PACS2: variants seen among roughly 807,000 people sequenced by gnomAD.
PACS2 encodes phosphofurin acidic cluster sorting protein 2, also known as PACS1-like protein.
PACS2 carries 36 observed loss-of-function variants against 113.0 expected under a neutral mutation model. The observed-to-expected ratio is 0.32, with a 90% CI of 0.24 to 0.42. The LOEUF is 0.42. Ranked by LOEUF, PACS2 falls within the 10% of genes least tolerant of loss-of-function variation. The pLI, the probability that PACS2 is intolerant of heterozygous loss-of-function variation, is 1.00. For synonymous variants in PACS2, 589 were observed against 536.1 expected, an observed-to-expected ratio of 1.10 and a Z score of -1.36; for missense variants, 1,015 against 1,239.5, an observed-to-expected ratio of 0.82 and a Z score of 2.72.
rs2059224292 is a variant in PACS2, at chr14:105,329,518, T to C, written c.119+14481T>C. ...AGCTCTGGGAGAGTCTAGGATGCTC[T>C]AGATCCTTGGGCTCATGGGGCAGTA... On this transcript the variant is annotated intron_variant, in intron 1 of 24. Coordinates refer to ENST00000447393, the MANE Select transcript of PACS2 (RefSeq NM_001100913.3). This position sits in a 1 kb window ranked among gnomAD's most constrained non-coding sequence, Gnocchi z 6.4. Among the ~76,000 whole-genome samples, 1 of 152,146 alleles carries C rather than the reference T, an allele frequency of 6.6e-6. No individual in the cohort carries two copies.
chr14:105,355,369 C>A lies in PACS2; in HGVS notation c.423+192C>A, dbSNP rs903608361. ...GCCCCAGGTGGTGCTTCCTCTCTGACCTTCCCTTGCCGCCTAGCATGGCTC... is the reference window on the plus strand; with the variant it reads ...GCCCCAGGTGGTGCTTCCTCTCTGAACTTCCCTTGCCGCCTAGCATGGCTC... On this transcript the variant is annotated intron_variant, in intron 4 of 24. Transcript: ENST00000447393. The surrounding 1 kb of genome is among the most constrained non-coding windows in gnomAD (Gnocchi z 4.1). 6.6e-6 allele frequency among the ~76,000 whole-genome samples: 1 copy of A among 152,252 alleles called. No homozygotes were observed. Among genetic ancestry groups the A allele is most frequent in the Non-Finnish European group, 1.5e-5 (1 of 68,050 alleles).
chr14:105,378,697 C>T (rs782814486), intron 9 of PACS2, among the ~76,000 whole-genome samples: 2 of 152,284 alleles, frequency 1.3e-5, no homozygotes, highest in African/African-American at 2.4e-5. Flanking sequence ...TGAGCCAGTG[C>T]ACCTGGCCTC....
At chr14:105,308,899 A>G (rs1176892419) in intron 1 of PACS2, among the ~76,000 whole-genome samples, 1 of 151,952 alleles carries the variant, frequency 6.6e-6, no homozygotes, top group African/African-American at 2.4e-5. Context: ...GTTTGAGTCC[A>G]GGAGATCTGG....
At chr14:105,312,599 T>G (rs949738873), upstream of PACS2, among the ~76,000 whole-genome samples, 3 of 152,152 alleles carry the variant, frequency 2.0e-5, no homozygotes, top group Non-Finnish European at 2.9e-5. Context: ...TGGGGAGGGA[T>G]GCCTCCCAGC....
chr14:105,303,800 A>G (rs587757353), intron 1 of PACS2, among the ~76,000 whole-genome samples: 23 of 152,286 alleles, frequency 1.5e-4, no homozygotes, highest in African/African-American at 5.1e-4. Context: ...TGTATTATTG[A>G]TCTCTATGCA....
Position 105,367,279 on chromosome 14 carries a change from G to A in PACS2, c.490G>A (p.Val164Ile), listed in dbSNP as rs1555408179. 12 of 1,613,172 alleles carry A rather than the reference G, an allele frequency of 7.4e-6. No homozygotes were observed. The highest frequency in any genetic ancestry group is 2.2e-5 in the East Asian group (1 of 44,880). Residue 164 changes from valine to isoleucine, a missense_variant, in exon 5 of 25, where the codon GTC (valine) becomes ATC (isoleucine). Val to Ile is a conservative substitution (Grantham distance 29). Coordinates refer to ENST00000447393, the MANE Select transcript of PACS2 (RefSeq NM_001100913.3). ...CTGCAGCAGCATCAAGGAGGCCCCC[G>A]TCAAGGCGGCCGAGATCTGGATCGC... ...SLCSSIKEAP[V>I]KAAEIWIASL...
chr14:105,332,979 C>A (rs1458493318), intron 1 of PACS2, among the ~76,000 whole-genome samples: 1 of 152,186 alleles, frequency 6.6e-6, no homozygotes, highest in Non-Finnish European at 1.5e-5. Flanking sequence ...GCCCCCTCCC[C>A]AGGCTCCGCT....
At chr14:105,352,055 C>T (rs902669665) in intron 2 of PACS2, among the ~76,000 whole-genome samples, 40 of 152,298 alleles carry the variant, frequency 2.6e-4, no homozygotes, top group African/African-American at 7.7e-4. Context: ...ACTTGGGCAG[C>T]GCAGTCAGGT....
chr14:105,337,385 C>A (rs1186246019), intron 1 of PACS2, among the ~76,000 whole-genome samples: 2 of 152,234 alleles, frequency 1.3e-5, no homozygotes, highest in Non-Finnish European at 2.9e-5. Flanking sequence ...ACAGCATCCA[C>A]GCACGTAGTG....
intron 19 of PACS2, 191 bp from the exon 20 acceptor site, chr14:105,389,770 G>A (rs2081295001): frequency 4.7e-6 from 3 of 632,786 alleles, no homozygotes; most frequent in Non-Finnish European, 8.6e-6. Flanking sequence ...TGGTCCTGGG[G>A]GCCAGGCCAG....
In PACS2 at chr14:105,365,677, C is replaced by T. The variant is rs78188892; in HGVS notation, c.424-1536C>T. Among the ~76,000 whole-genome samples the T allele has an allele frequency of 8.1e-4, 123 of 152,298 alleles. 3 individuals are homozygous for T. In the East Asian group the frequency reaches 0.015, roughly 19 times the overall value. On this transcript the variant is annotated intron_variant, in intron 4 of 24. Transcript: ENST00000447393. This position sits in a 1 kb window ranked among gnomAD's most constrained non-coding sequence, Gnocchi z 5.1. ...CCTTGATTCCTCCGGGACCCCAGCC[C>T]GGCAGCCCCCTCCCCTCTGAGCTCA...
Position 105,317,308 on chromosome 14 carries a change from G to T in PACS2, c.119+2271G>T, listed in dbSNP as rs587737777. ...TGGACATCGTGTGCCAGTCTTCTGCGTGTGTCTTTCTGGATGGGCAGGGCC... is the reference window on the plus strand; with the variant it reads ...TGGACATCGTGTGCCAGTCTTCTGCTTGTGTCTTTCTGGATGGGCAGGGCC... On this transcript the variant is annotated intron_variant, in intron 1 of 24. Transcript: ENST00000447393. This position sits in a 1 kb window ranked among gnomAD's most constrained non-coding sequence, Gnocchi z 4.2. Among the ~76,000 whole-genome samples the T allele has an allele frequency of 3.6e-4, 55 of 152,090 alleles. No individual in the cohort carries two copies. The highest frequency in any genetic ancestry group is 7.6e-4 in the Non-Finnish European group (52 of 68,004).
intron 1 of PACS2, among the ~76,000 whole-genome samples, chr14:105,302,665 A>G (rs2058076110): frequency 6.6e-6 from 1 of 152,108 alleles, no homozygotes; most frequent in Non-Finnish European, 1.5e-5. Flanking sequence ...GCCTCACTGC[A>G]GACTCTACCT....
At chr14:105,360,130 A>T (rs2060622250) in intron 4 of PACS2, among the ~76,000 whole-genome samples, 1 of 152,256 alleles carries the variant, frequency 6.6e-6, no homozygotes, top group Non-Finnish European at 1.5e-5. Flanking sequence ...AAATAAAGTG[A>T]GTCACACAAA....
intron 2 of PACS2, among the ~76,000 whole-genome samples, chr14:105,350,594 T>C (rs1555403736): frequency 1.3e-5 from 2 of 152,082 alleles, no homozygotes; most frequent in Non-Finnish European, 2.9e-5. Context: ...CTCATCTGCT[T>C]CTCTTGGGGT....
intron 1 of PACS2, among the ~76,000 whole-genome samples, chr14:105,333,137 A>G (rs1210875483): frequency 6.6e-6 from 1 of 152,108 alleles, no homozygotes; most frequent in East Asian, 1.9e-4. Flanking sequence ...ATACACGTGC[A>G]CACACACACC....
intron 21 of PACS2, 119 bp from the exon 22 acceptor site, chr14:105,391,512 T>TGGCCCCCCC: frequency 6.5e-6 from 4 of 611,296 alleles, no homozygotes; most frequent in Non-Finnish European, 2.9e-6. Context: ...CACTGGGGAC[T>TGGCCCCCCC]CCCACCCTGC....
rs776529065 is a variant in PACS2, at chr14:105,324,208, G to A, written c.119+9171G>A. On this transcript the variant is annotated intron_variant, in intron 1 of 24. Coordinates refer to ENST00000447393, the MANE Select transcript of PACS2 (RefSeq NM_001100913.3). This position sits in a 1 kb window ranked among gnomAD's most constrained non-coding sequence, Gnocchi z 4.7. ...GAGTGGGCAGCTGCGGTGCTGTGGC[G>A]GGGTCGGGGGGCTGCTGCAGAGAGC... Among the ~76,000 whole-genome samples, 3 of 152,182 alleles carry A rather than the reference G, an allele frequency of 2.0e-5. No homozygotes were observed. Among genetic ancestry groups the A allele is most frequent in the African/African-American group, 4.8e-5 (2 of 41,448 alleles).
intron 20 of PACS2, 179 bp downstream of exon 20, chr14:105,390,182 G>C (rs916612287): frequency 1.5e-6 from 1 of 679,750 alleles, no homozygotes; most frequent in Non-Finnish European, 2.7e-6. Context: ...CTGGAGTGGG[G>C]TGTGGGGCCA....
Sources: allele counts gnomAD v4.1 joint callset (sites outside exome capture counted in the v4.1 genomes callset), GRCh38; gene constraint gnomAD v4.1.1; non-coding constraint Gnocchi (gnomAD v3.1); transcripts MANE v1.5; gene names NCBI Gene and HGNC (gene_info 2026-07-23, HGNC 2026-07-21).